AKR1C8: variants seen among roughly 807,000 people sequenced by gnomAD.
AKR1C8 encodes aldo-keto reductase family 1 member C8.
chr10:5,145,691 G>A, the AKR1C8 span, among the ~76,000 whole-genome samples: 2 of 152,116 alleles, frequency 1.3e-5, no homozygotes, highest in African/African-American at 2.4e-5. Flanking sequence ...TAAAAAGTCA[G>A]GAAACAACAG....
chr10:5,170,147 G>T, the AKR1C8 span, among the ~76,000 whole-genome samples: 1 of 152,192 alleles, frequency 6.6e-6, no homozygotes, highest in African/African-American at 2.4e-5. Context: ...TGATGGTCGG[G>T]GGACTCAGAG....
the AKR1C8 span, among the ~76,000 whole-genome samples, chr10:5,159,481 T>G: frequency 6.6e-6 from 1 of 152,136 alleles, no homozygotes; most frequent in African/African-American, 2.4e-5. Flanking sequence ...TGCCAGTGCC[T>G]CTCTGCCTCA....
At chr10:5,140,556 C>T in the AKR1C8 span, among the ~76,000 whole-genome samples, 3 of 151,518 alleles carry the variant, frequency 2.0e-5, no homozygotes, top group Non-Finnish European at 4.4e-5. Context: ...GACAGAAAAC[C>T]AAACACCACA....
chr10:5,136,376 C>G, the AKR1C8 span, among the ~76,000 whole-genome samples: 1 of 152,178 alleles, frequency 6.6e-6, no homozygotes, highest in East Asian at 1.9e-4. Flanking sequence ...GACGAAACCT[C>G]GTCTCTACCA....
At chr10:5,144,687 A>C in the AKR1C8 span, among the ~76,000 whole-genome samples, 2 of 152,138 alleles carry the variant, frequency 1.3e-5, no homozygotes, top group East Asian at 1.9e-4. Context: ...TTATTGGTGT[A>C]TAAGAATGCT....
the AKR1C8 span, chr10:5,132,506 C>T: frequency 2.5e-6 from 3 of 1,191,142 alleles, no homozygotes; most frequent in Admixed American, 3.0e-5. Context: ...AACCAATAAG[C>T]ACAATTCACC....
At chr10:5,132,283 A>G in the AKR1C8 span, among the ~76,000 whole-genome samples, 40,899 of 152,048 alleles carry the variant, frequency 0.27, 6,513 homozygotes, top group Non-Finnish European at 0.36. Flanking sequence ...TCACTATAGA[A>G]TTCATTCATG....
At chr10:5,144,387 G>C in the AKR1C8 span, among the ~76,000 whole-genome samples, 19,375 of 152,074 alleles carry the variant, frequency 0.13, 1,500 homozygotes, top group Admixed American at 0.17. Context: ...GAACTTTAAA[G>C]TAGTTTTTTC....
the AKR1C8 span, chr10:5,123,952 T>C: frequency 5.3e-6 from 5 of 945,948 alleles, no homozygotes; most frequent in South Asian, 1.1e-4. Context: ...AATATTACTG[T>C]CAACTAATTA....
the AKR1C8 span, among the ~76,000 whole-genome samples, chr10:5,139,866 A>C: frequency 3.3e-5 from 5 of 152,200 alleles, no homozygotes; most frequent in Non-Finnish European, 5.9e-5. Context: ...GGCAACCTAC[A>C]GAATGGGAGA....
the AKR1C8 span, among the ~76,000 whole-genome samples, chr10:5,147,355 G>T: frequency 3.9e-5 from 6 of 152,046 alleles, no homozygotes; most frequent in Non-Finnish European, 8.8e-5. Context: ...CGCAATTACA[G>T]CATTCTTCCC....
At chr10:5,141,895 G>T in the AKR1C8 span, among the ~76,000 whole-genome samples, 1 of 152,080 alleles carries the variant, frequency 6.6e-6, no homozygotes, top group Non-Finnish European at 1.5e-5. Flanking sequence ...CCAGGAATGG[G>T]AGCTACTAAC....
the AKR1C8 span, among the ~76,000 whole-genome samples, chr10:5,118,240 G>A: frequency 1.3e-5 from 2 of 152,134 alleles, no homozygotes; most frequent in Non-Finnish European, 2.9e-5. Context: ...AAAAGGCAGG[G>A]GTAGGGACAG....
the AKR1C8 span, among the ~76,000 whole-genome samples, chr10:5,177,936 G>A: frequency 9.2e-5 from 14 of 152,056 alleles, no homozygotes; most frequent in African/African-American, 3.4e-4. Context: ...AACAGCTCCT[G>A]GATTCATTAA....
the AKR1C8 span, chr10:5,122,221 T>C: frequency 3.3e-6 from 1 of 301,232 alleles, no homozygotes; most frequent in South Asian, 3.2e-5. Flanking sequence ...AGCTTCTACC[T>C]GGGAATCCAA....
the AKR1C8 span, among the ~76,000 whole-genome samples, chr10:5,129,291 G>A: frequency 6.6e-6 from 1 of 152,000 alleles, no homozygotes; most frequent in African/African-American, 2.4e-5. Flanking sequence ...TAAGAGGCAA[G>A]TTCATATCAT....
At chr10:5,167,995 T>C in the AKR1C8 span, among the ~76,000 whole-genome samples, 1 of 152,030 alleles carries the variant, frequency 6.6e-6, no homozygotes, top group African/African-American at 2.4e-5. Flanking sequence ...TCCTTGTCAA[T>C]TGCTAATTAT....
the AKR1C8 span, among the ~76,000 whole-genome samples, chr10:5,139,776 G>C: frequency 6.6e-6 from 1 of 151,996 alleles, no homozygotes; most frequent in African/African-American, 2.4e-5. Context: ...AAAAACAATG[G>C]CAACAAAAGC....
At chr10:5,152,008 G>A in the AKR1C8 span, among the ~76,000 whole-genome samples, 1 of 151,994 alleles carries the variant, frequency 6.6e-6, no homozygotes, top group African/African-American at 2.4e-5. Flanking sequence ...GGCTGGGCTG[G>A]GATTCTAAGG....
Sources: allele counts gnomAD v4.1 joint callset (sites outside exome capture counted in the v4.1 genomes callset), GRCh38; gene constraint gnomAD v4.1.1; transcripts MANE v1.5; gene names NCBI Gene and HGNC (gene_info 2026-07-23, HGNC 2026-07-21).